DCC: variants seen among roughly 807,000 people sequenced by gnomAD.
DCC encodes netrin receptor DCC.
In DCC, 58 loss-of-function variants were observed where a neutral mutation model predicts 172.5. That is an observed-to-expected ratio of 0.34 (90% CI 0.27 to 0.42). The LOEUF is 0.42. DCC is among the 10% of genes least tolerant of loss of function. DCC has a pLI of 1.00. For missense variants in DCC, 1,740 were observed against 1,791.0 expected, an observed-to-expected ratio of 0.97 and a Z score of 0.51; for synonymous variants, 709 against 644.5, an observed-to-expected ratio of 1.10 and a Z score of -1.52.
At chr18:52,906,829 A>T (rs8097604) in intron 3 of DCC, among the ~76,000 whole-genome samples, 7,746 of 136,492 alleles carry the variant, frequency 0.057, 229 homozygotes, top group Middle Eastern at 0.075. Flanking sequence ...GGCTGATCTT[A>T]TCTACTTTGT....
intron 15 of DCC, among the ~76,000 whole-genome samples, chr18:53,354,213 T>C (rs1244898932): frequency 1.3e-5 from 2 of 152,278 alleles, no homozygotes; most frequent in Non-Finnish European, 2.9e-5. Context: ...AATAGTGCCA[T>C]AATAAACATA....
chr18:52,774,613 C>T (rs968237765), intron 2 of DCC, among the ~76,000 whole-genome samples: 4 of 152,338 alleles, frequency 2.6e-5, no homozygotes, highest in East Asian at 1.9e-4. Context: ...TTGTTCCCCT[C>T]GCAGAGTGTG....
At chr18:53,530,454 C>G (rs2046513348) in intron 28 of DCC, 110 bp from the exon 29 acceptor site, 1 of 766,014 alleles carries the variant, frequency 1.3e-6, no homozygotes, top group Non-Finnish European at 2.4e-6. Flanking sequence ...CTGTGGTCTC[C>G]TAGGTCAGAC....
intron 7 of DCC, among the ~76,000 whole-genome samples, chr18:53,100,545 A>G (rs1191489580): frequency 6.6e-6 from 1 of 151,990 alleles, no homozygotes; most frequent in Non-Finnish European, 1.5e-5. Flanking sequence ...GAGGGAAAGA[A>G]GAAAGGGAAG....
chr18:53,427,449 T>C (rs1044035023), intron 21 of DCC, among the ~76,000 whole-genome samples: 3 of 152,106 alleles, frequency 2.0e-5, no homozygotes, highest in Admixed American at 1.3e-4. Context: ...GTTTCATTCC[T>C]AACTTGCATG....
At chr18:53,107,540 G>A (rs75145205) in intron 7 of DCC, among the ~76,000 whole-genome samples, 23 of 61,758 alleles carry the variant, frequency 3.7e-4, no homozygotes, top group African/African-American at 4.7e-4. Flanking sequence ...AAAAAAGGAA[G>A]GAAAAAAAAA....
intron 1 of DCC, among the ~76,000 whole-genome samples, chr18:52,536,345 C>T (rs1199993318): frequency 1.3e-5 from 2 of 151,540 alleles, no homozygotes; most frequent in Non-Finnish European, 3.0e-5. Flanking sequence ...GACAGATGGA[C>T]TAAGTAGGCT....
intron 13 of DCC, among the ~76,000 whole-genome samples, chr18:53,312,340 C>CAAAAAAAAAAAAAAAAAAAAAAAAAAA (rs1218591102): frequency 5.7e-5 from 1 of 17,536 alleles, no homozygotes; most frequent in Non-Finnish European, 1.2e-4. Flanking sequence ...GACTCTGTCT[C>CAAAAAAAAAAAAAAAAAAAAAAAAAAA]AAAAAAAAAA....
chr18:52,839,056 A>T (rs191488930), intron 2 of DCC, among the ~76,000 whole-genome samples: 4 of 152,330 alleles, frequency 2.6e-5, no homozygotes, highest in Admixed American at 2.0e-4. Context: ...GAAAAAAAAT[A>T]ACTTTAGAGT....
intron 12 of DCC, among the ~76,000 whole-genome samples, chr18:53,242,641 A>C (rs902925693): frequency 5.9e-5 from 9 of 152,110 alleles, no homozygotes; most frequent in African/African-American, 2.2e-4. Flanking sequence ...AATAAATGCA[A>C]GAAAGTAATA....
chr18:52,902,547 A>G (rs1486292979), intron 2 of DCC, among the ~76,000 whole-genome samples: 1 of 152,202 alleles, frequency 6.6e-6, no homozygotes, highest in Non-Finnish European at 1.5e-5. Context: ...TTTGTATTGC[A>G]TTAGAACATT....
chr18:53,525,115 A>C (rs2046440506), intron 27 of DCC, among the ~76,000 whole-genome samples: 1 of 152,050 alleles, frequency 6.6e-6, no homozygotes, highest in South Asian at 2.1e-4. Context: ...ATCTCATTTA[A>C]TCCTAACAAA....
At chr18:52,485,444 G>A (rs10460044) in intron 1 of DCC, among the ~76,000 whole-genome samples, 3 of 151,952 alleles carry the variant, frequency 2.0e-5, no homozygotes, top group African/African-American at 4.8e-5. Flanking sequence ...CAGAATGCAC[G>A]GCAAATACAG....
intron 1 of DCC, among the ~76,000 whole-genome samples, chr18:52,559,135 T>C (rs1007897053): frequency 1.3e-5 from 2 of 152,218 alleles, no homozygotes; most frequent in Non-Finnish European, 2.9e-5. Context: ...GTTTTGAGAC[T>C]GAGTCTCGCT....
intron 1 of DCC, among the ~76,000 whole-genome samples, chr18:52,518,225 G>A (rs2031699753): frequency 6.6e-6 from 1 of 152,174 alleles, no homozygotes; most frequent in Middle Eastern, 3.2e-3. Context: ...ATAGCATGAG[G>A]CTGAGTAAAT....
At chr18:52,673,376 A>C (rs2035588449) in intron 1 of DCC, among the ~76,000 whole-genome samples, 1 of 152,098 alleles carries the variant, frequency 6.6e-6, no homozygotes, top group African/African-American at 2.4e-5. Context: ...TGACCTTTTG[A>C]GGAATACTGG....
At chr18:52,518,069 C>T (rs2031695504) in intron 1 of DCC, among the ~76,000 whole-genome samples, 1 of 152,084 alleles carries the variant, frequency 6.6e-6, no homozygotes, top group African/African-American at 2.4e-5. Flanking sequence ...TTCCTGTAAA[C>T]TGTGGTACTA....
At chr18:52,685,961 A>T (rs913217937) in intron 1 of DCC, among the ~76,000 whole-genome samples, 3 of 152,162 alleles carry the variant, frequency 2.0e-5, no homozygotes, top group Non-Finnish European at 4.4e-5. Context: ...CTCAAGGGCT[A>T]ACTGGATGTT....
chr18:53,305,648 G>A lies in DCC; in HGVS notation c.1982G>A (p.Arg661Gln), dbSNP rs375859461. ...GGATTTATTACCGGCTATAAAATTC[G>A]ACACAGAAAGACGACCCGCAGGGGT... ...QNGFITGYKIRHRKTTRRGEM... is the reference protein window; with the variant it reads ...QNGFITGYKIQHRKTTRRGEM... Residue 661 changes from arginine to glutamine, a missense_variant, in exon 13 of 29, where the codon CGA (arginine) becomes CAA (glutamine). Coordinates refer to ENST00000442544, the MANE Select transcript of DCC (RefSeq NM_005215.4). The A allele has an allele frequency of 4.3e-6, 7 of 1,613,884 alleles. No homozygotes were observed. The highest frequency in any genetic ancestry group is 2.2e-5 in the South Asian group (2 of 91,058).
Sources: allele counts gnomAD v4.1 joint callset (sites outside exome capture counted in the v4.1 genomes callset), GRCh38; gene constraint gnomAD v4.1.1; transcripts MANE v1.5; gene names NCBI Gene and HGNC (gene_info 2026-07-23, HGNC 2026-07-21).